The following PNP variants were observed in gnomAD, a reference collection of about 807,000 sequenced individuals.
PNP encodes HEL-S-156an.
A neutral mutation model predicts 26.8 loss-of-function variants in PNP; 18 were observed. The ratio of observed to expected loss-of-function variants is 0.67; its 90% CI spans 0.46 to 1.00. The LOEUF (loss-of-function observed/expected upper bound fraction) is 1.00, where lower values mean the gene tolerates loss of function less well. PNP is among the 50% of genes least tolerant of loss of function. The probability of loss-of-function intolerance (pLI) is 0.00; values close to 1 mark genes in which losing one functional copy is unlikely to be tolerated. For synonymous variants in PNP, 116 were observed against 124.8 expected (o/e 0.93, Z 0.47); for missense variants, 320 against 362.9 (o/e 0.88, Z 0.96).
intron 2 of PNP, chr14:20,472,678 T>C (rs1369214646): frequency 1.5e-6 from 1 of 661,614 alleles, no homozygotes; most frequent in African/African-American, 1.8e-5. Context: ...AGACAGGACA[T>C]GTGTGTGTCA....
chr14:20,472,007 G>C (rs1257702193), intron 1 of PNP, among the ~76,000 whole-genome samples: 2 of 152,166 alleles, frequency 1.3e-5, no homozygotes, highest in African/African-American at 4.8e-5. Flanking sequence ...GGATAAGTAT[G>C]CAGCTTGCCA....
intron 2 of PNP, chr14:20,473,150 T>C (rs1025491633): frequency 9.2e-5 from 14 of 152,294 alleles, no homozygotes; most frequent in African/African-American, 3.4e-4. Context: ...TTTTGTTTTG[T>C]TTTTTTGCAT....
Position 20,474,490 on chromosome 14 carries a change from G to T in PNP, c.200G>T (p.Arg67Leu). The change falls in exon 3 of 6, where the codon CGA (arginine) becomes CTA (leucine). Residue 67 changes from arginine (R) to leucine (L), a missense_variant. Arg to Leu is a moderately radical substitution (Grantham distance 102). Coordinates refer to ENST00000361505, the MANE Select transcript of PNP (RefSeq NM_000270.4). ...TATACAGTGCCAGGTCATGCTGGCC[G>T]ACTGGTGTTTGGGTTCCTGAATGGC... ...PRSTVPGHAG[R>L]LVFGFLNGRA... is the part of the protein sequence containing the mutation. 2 of 1,614,038 alleles carry T rather than the reference G, an allele frequency of 1.2e-6. No individual in the cohort carries two copies. Among genetic ancestry groups the T allele is most frequent in the South Asian group, 1.1e-5 (1 of 91,028 alleles).
Position 20,475,270 on chromosome 14 carries a change from G to A in PNP, c.652+18G>A, listed in dbSNP as rs1594427865. 1 of 1,607,478 alleles carries A rather than the reference G, an allele frequency of 6.2e-7. No individual in the cohort carries two copies. Among genetic ancestry groups the A allele is most frequent in the South Asian group, 1.1e-5 (1 of 90,812 alleles). ...CGCTGTTGGTGAGAAGGGGAATTTG[G>A]CTGGAAGCTTGAAGAGGGAGGGGTT... On this transcript the variant is annotated intron_variant, in intron 5 of 5. Coordinates refer to ENST00000361505, the MANE Select transcript of PNP (RefSeq NM_000270.4).
At chr14:20,472,583 T>C in intron 2 of PNP, 106 bp downstream of exon 2, 1 of 1,066,760 alleles carries the variant, frequency 9.4e-7, no homozygotes, top group Non-Finnish European at 1.4e-6. Context: ...AGCATTTCAC[T>C]GAAGACAAAT....
At chr14:20,475,831 A>G (rs1882096417) in intron 5 of PNP, among the ~76,000 whole-genome samples, 1 of 152,182 alleles carries the variant, frequency 6.6e-6, no homozygotes, top group African/African-American at 2.4e-5. Flanking sequence ...CACTATAGCC[A>G]CCTTCTGTAC....
At chr14:20,475,323 G>C in intron 5 of PNP, 71 bp downstream of exon 5, 1 of 1,298,636 alleles carries the variant, frequency 7.7e-7, no homozygotes, top group Non-Finnish European at 1.1e-6. Context: ...GAAGGAGTAG[G>C]AAATAACAGG....
In PNP at chr14:20,476,876, G is replaced by A. The variant is rs1449340472; in HGVS notation, c.*275G>A. 6 of 454,556 alleles carry A rather than the reference G, an allele frequency of 1.3e-5. No homozygotes were observed. Among genetic ancestry groups the A allele is most frequent in the South Asian group, 8.3e-5 (4 of 48,462 alleles). The allele number at this position is 454,556 out of a possible 1,614,324, so 28.2% of individuals were successfully genotyped here. A position where few individuals can be genotyped will look rare whatever the true frequency, so the allele number is the denominator to read the frequency against. On this transcript the variant is annotated 3_prime_UTR_variant, in exon 6 of 6. Coordinates refer to ENST00000361505, the MANE Select transcript of PNP (RefSeq NM_000270.4). ...CTTTCTTACACAAGAGCTGGAGCCC[G>A]TGCCCTACCACACATCTGTGGAGAT...
rs1478963119 is a variant in PNP at position 20,472,325 on chromosome 14, A to G, written c.29A>G (p.Tyr10Cys). MENGYTYEDYKNTAEWLLSH... is the reference protein window; with the variant it reads MENGYTYEDCKNTAEWLLSH... Reference sequence around the variant, plus strand: ...TCCCCCAGATACACCTATGAAGATTATAAGAACACTGCAGAATGGCTTCTG... The same window carrying G: ...TCCCCCAGATACACCTATGAAGATTGTAAGAACACTGCAGAATGGCTTCTG... The change falls in exon 2 of 6, where the codon TAT becomes TGT. Residue 10 changes from tyrosine to cysteine, a missense_variant. By Grantham distance (194) the Tyr-to-Cys change is radical. Transcript: ENST00000361505. 8 of 1,613,902 alleles carry G rather than the reference A, an allele frequency of 5.0e-6. No individual in the cohort carries two copies. In the East Asian group the frequency reaches 1.6e-4, roughly 31 times the overall value.
intron 5 of PNP, among the ~76,000 whole-genome samples, 172 bp downstream of exon 5, chr14:20,475,424 A>C (rs895348387): frequency 2.0e-5 from 3 of 152,196 alleles, no homozygotes; most frequent in East Asian, 1.9e-4. Flanking sequence ...TGTAGCATCA[A>C]ATCTCCCTAC....
At position 20,476,671 on chromosome 14, in the gene PNP, T is replaced by C; in HGVS notation, c.*70T>C. On this transcript the variant is annotated 3_prime_UTR_variant, in exon 6 of 6. Transcript: ENST00000361505. Reference sequence around the variant, plus strand: ...GCTGCTACCTTCTTTGGCCCCTTGCTGGAGTCATGTGCCTCTGTCCTTAGG... The same window carrying C: ...GCTGCTACCTTCTTTGGCCCCTTGCCGGAGTCATGTGCCTCTGTCCTTAGG... 8.6e-7 allele frequency: 1 copy of C among 1,168,660 alleles called. No individual in the cohort carries two copies. Among genetic ancestry groups the C allele is most frequent in the East Asian group, 2.3e-5 (1 of 42,582 alleles). The allele number at this position is 1,168,660 out of a possible 1,614,324, so 72.4% of individuals were successfully genotyped here. A position where few individuals can be genotyped will look rare whatever the true frequency, so the allele number is the denominator to read the frequency against.
rs777155744 is a variant in PNP, at chr14:20,475,287, G to C, written c.652+35G>C. ...GGAATTTGGCTGGAAGCTTGAAGAGGGAGGGGTTTAGCAAAATGGGAAGGG... is the reference window on the plus strand; with the variant it reads ...GGAATTTGGCTGGAAGCTTGAAGAGCGAGGGGTTTAGCAAAATGGGAAGGG... On this transcript the variant is annotated intron_variant, in intron 5 of 5. Transcript: ENST00000361505. The C allele has an allele frequency of 3.8e-6, 6 of 1,595,744 alleles. No homozygotes were observed. The African/African-American group carries it at 5.4e-5, about 14-fold the overall frequency.
chr14:20,474,383 C>A, intron 2 of PNP, 89 bp from the exon 3 acceptor site: 2 of 1,075,252 alleles, frequency 1.9e-6, no homozygotes, highest in South Asian at 1.3e-5. Context: ...ACATTTTGAG[C>A]AGAGCGAGTA....
intron 5 of PNP, 144 bp from the exon 6 acceptor site, chr14:20,476,239 TG>T: frequency 1.4e-6 from 1 of 734,752 alleles, no homozygotes; most frequent in Non-Finnish European, 2.4e-6. Context: ...CCCAATGTAC[TG>T]GGATTACAGG....
intron 1 of PNP, 25 bp downstream of exon 1, chr14:20,469,560 G>A: frequency 6.4e-7 from 1 of 1,554,800 alleles, no homozygotes; most frequent in Non-Finnish European, 8.7e-7. Flanking sequence ...AGGCCCGCAG[G>A]ACCCTTGGGG....
At chr14:20,472,930 G>C in intron 2 of PNP, 1 of 216,708 alleles carries the variant, frequency 4.6e-6, no homozygotes, top group South Asian at 6.9e-5. Context: ...TGGAAGAGCA[G>C]AGGGAGAAGG....
intron 1 of PNP, 61 bp downstream of exon 1, chr14:20,469,596 C>T: frequency 6.5e-7 from 1 of 1,549,608 alleles, no homozygotes; most frequent in South Asian, 1.2e-5. Context: ...GACCCGGGAA[C>T]CTGGCACACT....
Position 20,469,419 on chromosome 14 carries a change from A to T in PNP, c.-106A>T. 6.8e-7 allele frequency: 1 copy of T among 1,466,476 alleles called. No homozygotes were observed. The highest frequency in any genetic ancestry group is 9.3e-7 in the Non-Finnish European group (1 of 1,071,014). The allele number at this position is 1,466,476 out of a possible 1,614,324, so 90.8% of individuals were successfully genotyped here. A position where few individuals can be genotyped will look rare whatever the true frequency, so the allele number is the denominator to read the frequency against. On this transcript the variant is annotated 5_prime_UTR_variant, in exon 1 of 6. Transcript: ENST00000361505. ...GACCAGTGAGCCAACTGTGCGAACC[A>T]GACCCGGCAGCCTTGCTCAGTTCAG...
intron 1 of PNP, chr14:20,469,839 G>A: frequency 1.7e-6 from 1 of 588,576 alleles, no homozygotes; most frequent in East Asian, 2.8e-5. Context: ...TGTGTTAGGG[G>A]AACAAGTGGA....
Sources: allele counts gnomAD v4.1 joint callset (sites outside exome capture counted in the v4.1 genomes callset), GRCh38; gene constraint gnomAD v4.1.1; transcripts MANE v1.5; gene names NCBI Gene and HGNC (gene_info 2026-07-23, HGNC 2026-07-21).